SUGCT: variants seen among roughly 807,000 people sequenced by gnomAD.
The protein encoded by SUGCT is succinyl-CoA:glutarate-CoA transferase.
A neutral mutation model predicts 55.0 loss-of-function variants in SUGCT; 41 were observed. The ratio of observed to expected loss-of-function variants is 0.74; its 90% CI spans 0.58 to 0.97. The LOEUF (loss-of-function observed/expected upper bound fraction) is 0.97. Among genes scored for constraint, SUGCT ranks in the 50% least tolerant of loss-of-function variants. The pLI is 0.00. For synonymous variants in SUGCT, 187 were observed against 200.4 expected (o/e 0.93, Z 0.56); for missense variants, 568 against 547.8 (o/e 1.04, Z -0.37).
intron 7 of SUGCT, among the ~76,000 whole-genome samples, chr7:40,248,876 G>A (rs971470108): frequency 2.8e-5 from 4 of 141,260 alleles, no homozygotes; most frequent in Admixed American, 7.3e-5. Context: ...TTTCCAGCGC[G>A]CGCGCGCGCT....
intron 12 of SUGCT, among the ~76,000 whole-genome samples, chr7:40,731,532 A>G (rs1462403825): frequency 6.6e-6 from 1 of 152,226 alleles, no homozygotes; most frequent in Non-Finnish European, 1.5e-5. Flanking sequence ...AGGAATCCTC[A>G]GAAAATAATT....
At chr7:40,556,159 T>A (rs1306508905) in intron 12 of SUGCT, among the ~76,000 whole-genome samples, 1 of 152,172 alleles carries the variant, frequency 6.6e-6, no homozygotes, top group Non-Finnish European at 1.5e-5. Flanking sequence ...CTCTGTTAAG[T>A]CTATCCTCCA....
At chr7:40,176,709 A>G (rs1784939915) in intron 1 of SUGCT, among the ~76,000 whole-genome samples, 1 of 151,764 alleles carries the variant, frequency 6.6e-6, no homozygotes, top group Admixed American at 6.6e-5. Context: ...ACGGTGCCTC[A>G]TGCCTGTAAT....
At chr7:40,645,388 C>T (rs182750221) in intron 12 of SUGCT, among the ~76,000 whole-genome samples, 1 of 152,254 alleles carries the variant, frequency 6.6e-6, no homozygotes, top group African/African-American at 2.4e-5. Flanking sequence ...CCACCATGTA[C>T]AAAGGGCCGG....
chr7:40,539,687 A>G (rs1794567100), intron 12 of SUGCT: 1 of 152,204 alleles, frequency 6.6e-6, no homozygotes, highest in African/African-American at 2.4e-5. Context: ...TGATTCCTAG[A>G]ATATTGAATA....
intron 11 of SUGCT, among the ~76,000 whole-genome samples, chr7:40,490,802 G>C (rs1562813845): frequency 1.3e-5 from 2 of 148,934 alleles, no homozygotes; most frequent in Non-Finnish European, 3.0e-5. Flanking sequence ...GCATTTTTAT[G>C]TTAGTCAGTT....
At chr7:40,367,245 T>A (rs1022172932) in intron 9 of SUGCT, among the ~76,000 whole-genome samples, 9 of 117,824 alleles carry the variant, frequency 7.6e-5, no homozygotes, top group Admixed American at 4.7e-4. Context: ...AAGGGTAACA[T>A]CACACTCCGG....
intron 13 of SUGCT, among the ~76,000 whole-genome samples, chr7:40,853,129 A>G (rs4723983): frequency 0.35 from 52,937 of 151,416 alleles, 10,077 homozygotes; most frequent in East Asian, 0.82. Flanking sequence ...GTCCAGGTCT[A>G]TGTTTTGTTT....
chr7:40,718,346 T>C (rs1312059848), intron 12 of SUGCT, among the ~76,000 whole-genome samples: 1 of 152,250 alleles, frequency 6.6e-6, no homozygotes, highest in African/African-American at 2.4e-5. Context: ...CAGTGTAAGC[T>C]GACCCTGAGT....
the SUGCT span, among the ~76,000 whole-genome samples, chr7:40,942,505 A>T: frequency 1.3e-5 from 2 of 152,020 alleles, no homozygotes; most frequent in African/African-American, 4.8e-5. Context: ...TTTCCTTTAC[A>T]TTGAGTTTAG....
chr7:40,809,413 C>G (rs1791282698), intron 13 of SUGCT, among the ~76,000 whole-genome samples: 2 of 152,088 alleles, frequency 1.3e-5, no homozygotes, highest in Admixed American at 6.6e-5. Context: ...TCTATATATA[C>G]AAGTGTGTGT....
the SUGCT span, among the ~76,000 whole-genome samples, chr7:40,981,799 A>G: frequency 1.3e-5 from 2 of 152,216 alleles, no homozygotes; most frequent in Non-Finnish European, 2.9e-5. Context: ...CCAGCTTCCA[A>G]TAACATGTTC....
intron 12 of SUGCT, among the ~76,000 whole-genome samples, chr7:40,691,792 C>T (rs566586626): frequency 1.1e-4 from 16 of 152,206 alleles, no homozygotes; most frequent in South Asian, 6.2e-4. Flanking sequence ...TTTCAACAAC[C>T]GCCTTCTTCT....
At chr7:40,138,836 C>T (rs977251774) in intron 1 of SUGCT, among the ~76,000 whole-genome samples, 1 of 152,174 alleles carries the variant, frequency 6.6e-6, no homozygotes, top group African/African-American at 2.4e-5. Context: ...AAACATGACT[C>T]TTAATAGACA....
At chr7:40,451,160 C>CAGTT (rs1282184604) in intron 10 of SUGCT, among the ~76,000 whole-genome samples, 1 of 152,046 alleles carries the variant, frequency 6.6e-6, no homozygotes, top group African/African-American at 2.4e-5. Context: ...ATGTATAAGC[C>CAGTT]AGTTCATTGC....
chr7:40,584,429 T>A (rs1797265173), intron 12 of SUGCT, among the ~76,000 whole-genome samples: 1 of 152,170 alleles, frequency 6.6e-6, no homozygotes, highest in South Asian at 2.1e-4. Context: ...AAGTCTTCAT[T>A]TGAGTAGCTC....
the SUGCT span, among the ~76,000 whole-genome samples, chr7:41,009,139 A>G: frequency 6.7e-6 from 1 of 149,370 alleles, no homozygotes; most frequent in East Asian, 2.1e-4. Flanking sequence ...GCTTGAGCCC[A>G]GGAGTTTAAG....
chr7:40,136,693 A>C (rs1787713285), intron 1 of SUGCT, among the ~76,000 whole-genome samples: 1 of 152,160 alleles, frequency 6.6e-6, no homozygotes, highest in African/African-American at 2.4e-5. Flanking sequence ...CTTTCTGGAC[A>C]TTGTCTTTAG....
the SUGCT span, among the ~76,000 whole-genome samples, chr7:41,024,194 C>T: frequency 3.2e-4 from 49 of 152,246 alleles, no homozygotes; most frequent in Middle Eastern, 0.017. Flanking sequence ...CAGAAAATTA[C>T]GTTCCAAAGG....
Sources: allele counts gnomAD v4.1 joint callset (sites outside exome capture counted in the v4.1 genomes callset), GRCh38; gene constraint gnomAD v4.1.1; transcripts MANE v1.5; gene names NCBI Gene and HGNC (gene_info 2026-07-23, HGNC 2026-07-21).